TP53BP1: variants seen among roughly 807,000 people sequenced by gnomAD.
TP53BP1 encodes the protein tumor protein p53 binding protein 1.
A neutral mutation model predicts 200.8 loss-of-function variants in TP53BP1; 61 were observed. The observed-to-expected ratio is 0.30, with a 90% CI of 0.25 to 0.38. The LOEUF is 0.38. Ranked by LOEUF, TP53BP1 falls within the 10% of genes least tolerant of loss-of-function variation. TP53BP1 has a pLI of 1.00. For missense variants in TP53BP1, 2,144 were observed against 2,371.9 expected (o/e 0.90, Z 2.00); for synonymous variants, 822 against 844.3 (o/e 0.97, Z 0.46).
At chr15:43,508,278 T>C (rs190887740) in intron 1 of TP53BP1, among the ~76,000 whole-genome samples, 2 of 152,132 alleles carry the variant, frequency 1.3e-5, no homozygotes, top group South Asian at 4.1e-4. Flanking sequence ...AAGAATCGCT[T>C]GAACCCGGGA....
At chr15:43,481,167 C>A (rs2078959387) in intron 4 of TP53BP1, 145 bp from the exon 5 acceptor site, 2 of 823,258 alleles carry the variant, frequency 2.4e-6, no homozygotes, top group Non-Finnish European at 3.7e-6. Context: ...CTTCTTTCTA[C>A]AAAAAGCACC....
At position 43,504,791 on chromosome 15, in the gene TP53BP1, G is replaced by A. The variant is rs373405724; in HGVS notation, c.-9+5579C>T. ...TCCCAGTACTTTGGGAGGCCGAGGC[G>A]GAGAGATCACCTGAGGTCAGGAGTT... On this transcript the variant is annotated intron_variant, in intron 1 of 27. Transcript: ENST00000263801. Among the ~76,000 whole-genome samples, 283 of 152,224 alleles carry A rather than the reference G, an allele frequency of 1.9e-3. 1 individual carries two copies. Among genetic ancestry groups the A allele is most frequent in the African/African-American group, 1.8e-3 (75 of 41,516 alleles).
rs1246614633 is a variant in TP53BP1 at position 43,421,154 on chromosome 15, T to A, written c.4121A>T (p.Gln1374Leu). 6.2e-6 allele frequency: 10 copies of A among 1,614,094 alleles called. No homozygotes were observed. Among genetic ancestry groups the A allele is most frequent in the Admixed American group, 1.7e-5 (1 of 60,008 alleles). The change falls in exon 20 of 28, where the codon CAG becomes CTG. Residue 1374 changes from glutamine (Q) to leucine (L), a missense_variant. Around this residue, in one of 4 missense-constraint regions of TP53BP1, gnomAD observed 1,700 missense variants for 1,710.3 expected, o/e 0.99. Coordinates refer to ENST00000382044, the MANE Select transcript of TP53BP1 (RefSeq NM_001141980.3). ...CTCCTCACACACTGGCGTCCCTGTC[T>A]GACTGACCCCTTTTCTAGGACTAGA... ...GKLSPRKGVS[Q>L]TGTPVCEEDG...
intron 15 of TP53BP1, among the ~76,000 whole-genome samples, chr15:43,440,513 T>C (rs2045902299): frequency 1.5e-5 from 2 of 132,734 alleles, no homozygotes; most frequent in Non-Finnish European, 3.1e-5. Context: ...AGACTCCGTC[T>C]CAAAAAAAAA....
At chr15:43,434,765 A>C (rs980918727) in intron 16 of TP53BP1, among the ~76,000 whole-genome samples, 2 of 152,226 alleles carry the variant, frequency 1.3e-5, no homozygotes, top group African/African-American at 4.8e-5. Context: ...TATCTAGCCT[A>C]TGGCAGTTTG....
At chr15:43,488,866 C>G (rs957437950) in intron 4 of TP53BP1, among the ~76,000 whole-genome samples, 1 of 152,136 alleles carries the variant, frequency 6.6e-6, no homozygotes, top group Non-Finnish European at 1.5e-5. Flanking sequence ...TGCACTCCAG[C>G]CTGGGGAACA....
chr15:43,503,335 C>A (rs2079219593), intron 1 of TP53BP1, among the ~76,000 whole-genome samples: 1 of 152,214 alleles, frequency 6.6e-6, no homozygotes, highest in Non-Finnish European at 1.5e-5. Context: ...TAAACTTATT[C>A]ATGCAGTATG....
At chr15:43,431,232 GC>G (rs1302923372) in intron 17 of TP53BP1, among the ~76,000 whole-genome samples, 4 of 151,962 alleles carry the variant, frequency 2.6e-5, no homozygotes, top group Non-Finnish European at 5.9e-5. Context: ...TTTCTGGACT[GC>G]AGCTGACCAT....
chr15:43,465,198 G>C (rs1403787788), intron 11 of TP53BP1, among the ~76,000 whole-genome samples: 1 of 151,968 alleles, frequency 6.6e-6, no homozygotes, highest in East Asian at 1.9e-4. Flanking sequence ...CAAATCTATA[G>C]AGACAGAAAG....
rs764228789 is a variant in TP53BP1, at chr15:43,469,808, C to T, written c.1389+50G>A. On this transcript the variant is annotated intron_variant, in intron 11 of 27. Coordinates refer to ENST00000382044, the MANE Select transcript of TP53BP1 (RefSeq NM_001141980.3). ...GTATGTAAATTATACCCCAATAATG[C>T]TGCTTTAAAAAAATATGTTAGGAGA... 11 of 1,460,460 alleles carry T rather than the reference C, an allele frequency of 7.5e-6. No individual in the cohort carries two copies. In the South Asian group the frequency reaches 1.1e-4, roughly 15 times the overall value. The allele number at this position is 1,460,460 out of a possible 1,614,324, so 90.5% of individuals were successfully genotyped here. A position where few individuals can be genotyped will look rare whatever the true frequency, so the allele number is the denominator to read the frequency against.
chr15:43,426,210 A>AAGGCAG (rs1156604239), intron 18 of TP53BP1, among the ~76,000 whole-genome samples: 1 of 151,760 alleles, frequency 6.6e-6, no homozygotes, highest in Non-Finnish European at 1.5e-5. Flanking sequence ...TTGGGAGGCC[A>AAGGCAG]AGGCAGATCA....
chr15:43,469,903 G>A lies in TP53BP1; in HGVS notation c.1344C>T (p.Phe448=). Residue 448 remains phenylalanine (F), a synonymous_variant, in exon 11 of 28, where the codon TTC becomes TTT. Coordinates refer to ENST00000382044, the MANE Select transcript of TP53BP1 (RefSeq NM_001141980.3). ...STPISQSTPV[F]PPGSLPIPSQ... ...ATGGGATAGGAAGTGACCCAGGAGG[G>A]AAGACTGGTGTGCTCTGAGATATTG... The A allele has an allele frequency of 1.2e-6, 2 of 1,614,054 alleles. No individual in the cohort carries two copies. Among genetic ancestry groups the A allele is most frequent in the Non-Finnish European group, 1.7e-6 (2 of 1,180,034 alleles).
At chr15:43,444,633 GGAT>G (rs2046000858) in intron 14 of TP53BP1, among the ~76,000 whole-genome samples, 2 of 152,088 alleles carry the variant, frequency 1.3e-5, no homozygotes, top group Admixed American at 6.6e-5. Context: ...TGTAAAAGGA[GGAT>G]AATAATAGGA....
chr15:43,476,939 A>T (rs2140113786), intron 8 of TP53BP1, among the ~76,000 whole-genome samples: 1 of 152,356 alleles, frequency 6.6e-6, no homozygotes, highest in South Asian at 2.1e-4. Flanking sequence ...GTAAACTGTT[A>T]CCCAGATGAA....
intron 11 of TP53BP1, among the ~76,000 whole-genome samples, chr15:43,460,447 G>A (rs541152946): frequency 6.6e-6 from 1 of 152,158 alleles, no homozygotes; most frequent in African/African-American, 2.4e-5. Context: ...TTTTTGTAGA[G>A]AGGGTCTCAT....
At chr15:43,495,312 A>C (rs1457897183), upstream of TP53BP1, among the ~76,000 whole-genome samples, 1 of 150,924 alleles carries the variant, frequency 6.6e-6, no homozygotes, top group East Asian at 1.9e-4. Flanking sequence ...ATCCTGGCTA[A>C]GATAGTGAAA....
chr15:43,456,696 T>G lies in TP53BP1; in HGVS notation c.1912A>C (p.Thr638Pro). 1.2e-6 allele frequency: 2 copies of G among 1,614,122 alleles called. No individual in the cohort carries two copies. The highest frequency in any genetic ancestry group is 1.7e-6 in the Non-Finnish European group (2 of 1,180,030). Reference sequence around the variant, plus strand: ...ACACTAGAAAGTGCCTCAGATCGAGTAGCTGGTGACGGAACTGCCTGACTC... The same window carrying G: ...ACACTAGAAAGTGCCTCAGATCGAGGAGCTGGTGACGGAACTGCCTGACTC... ...SGSQAVPSPA[T>P]RSEALSSVLD... Residue 638 changes from threonine (T) to proline (P), a missense_variant, in exon 12 of 28, where the codon ACT becomes CCT. This residue lies in a region of TP53BP1 where 1,700 missense variants were observed against 1,710.3 expected (regional missense o/e 0.99). Transcript: ENST00000382044.
chr15:43,481,305 T>G (rs974792684), intron 4 of TP53BP1, among the ~76,000 whole-genome samples: 2 of 151,948 alleles, frequency 1.3e-5, no homozygotes, highest in Non-Finnish European at 2.9e-5. Context: ...TACTGACAAG[T>G]GACAAGAGAA....
chr15:43,490,504 G>A (rs1163739176), intron 4 of TP53BP1, among the ~76,000 whole-genome samples: 7 of 152,008 alleles, frequency 4.6e-5, no homozygotes, highest in African/African-American at 1.7e-4. Flanking sequence ...GATTACAGGT[G>A]TGAGCCACTG....
Sources: gnomAD v4.1 joint callset for allele counts (sites outside exome capture counted in the v4.1 genomes callset) on GRCh38, gnomAD v4.1.1 for gene constraint, gnomAD v4.1.1 regional missense constraint, MANE v1.5 for transcripts, NCBI Gene and HGNC (gene_info 2026-07-23, HGNC 2026-07-21) for gene names.